The following MYO15A variants were observed in gnomAD, a reference collection of about 807,000 sequenced individuals.
MYO15A encodes the protein myosin XVA.
MYO15A carries 308 observed loss-of-function variants against 394.6 expected under a neutral mutation model. That is an observed-to-expected ratio of 0.78 (90% CI 0.71 to 0.86). The LOEUF is 0.86. Ranked by LOEUF, MYO15A falls within the 40% of genes least tolerant of loss-of-function variation. The pLI, the probability that MYO15A is intolerant of heterozygous loss-of-function variation, is 0.00. For missense variants in MYO15A, 4,606 were observed against 4,799.1 expected (o/e 0.96, Z 1.19); for synonymous variants, 1,957 against 2,003.8 (o/e 0.98, Z 0.62).
At position 18,122,296 on chromosome 17, in the gene MYO15A, C is replaced by T; in HGVS notation, c.3496C>T (p.Pro1166Ser). 7 of 1,613,084 alleles carry T rather than the reference C, an allele frequency of 4.3e-6. No individual in the cohort carries two copies. Among genetic ancestry groups the T allele is most frequent in the Non-Finnish European group, 5.9e-6 (7 of 1,180,000 alleles). The stretch of plus-strand genomic sequence containing the variant: ...CTGGCTTCGGGCAGATGCCTATGGA[C>T]CCTGGCCACGAGTACACACCCATCC... ...CLWLRADAYG[P>S]WPRVHTHPQS... The change falls in exon 2 of 66, where the codon CCC becomes TCC. Residue 1166 changes from proline to serine, a missense_variant. Physicochemically the swap from Pro to Ser is moderately conservative, Grantham distance 74. This residue lies in a region of MYO15A where 1,830 missense variants were observed against 1,689.7 expected (regional missense o/e 1.08). Transcript: ENST00000647165.
At chr17:18,160,762 C>G (rs2046762614) in intron 56 of MYO15A, 1 of 232,868 alleles carries the variant, frequency 4.3e-6, no homozygotes, top group Non-Finnish European at 8.6e-6. Context: ...GAAACCCTCA[C>G]ACCCAGGACC....
rs1299195347 is a variant in MYO15A at position 18,138,231 on chromosome 17, G to A, written c.4992G>A (p.Gln1664=). 3.1e-6 allele frequency: 5 copies of A among 1,613,004 alleles called. No homozygotes were observed. Among genetic ancestry groups the A allele is most frequent in the Non-Finnish European group, 4.2e-6 (5 of 1,180,046 alleles). The change falls in exon 17 of 66, where the codon CAG becomes CAA. Residue 1664 remains glutamine, a synonymous_variant. Transcript: ENST00000647165. ...GCATCCTGCGGATCCTTGACGACCA[G>A]TGTTGCTTTCCCCAGGTGAGCCGCA... ...PYGILRILDD[Q]CCFPQATDHT...
At chr17:18,161,640 T>C (rs1474059043) in intron 57 of MYO15A, among the ~76,000 whole-genome samples, 193 bp downstream of exon 57, 1 of 152,182 alleles carries the variant, frequency 6.6e-6, no homozygotes, top group Non-Finnish European at 1.5e-5. Flanking sequence ...TCTGATCTAA[T>C]GGAGGGGGTG....
intron 65 of MYO15A, among the ~76,000 whole-genome samples, chr17:18,176,337 C>A (rs1275330983): frequency 1.3e-5 from 2 of 151,950 alleles, no homozygotes; most frequent in Admixed American, 6.6e-5. Flanking sequence ...GGGAAGCAGG[C>A]ACATCACGTG....
Position 18,142,217 on chromosome 17 carries a change from A to C in MYO15A, c.5788A>C (p.Ile1930Leu). 5 of 1,613,456 alleles carry C rather than the reference A, an allele frequency of 3.1e-6. No homozygotes were observed. The highest frequency in any genetic ancestry group is 4.2e-6 in the Non-Finnish European group (5 of 1,179,982). Residue 1930 changes from isoleucine to leucine, a missense_variant, in exon 24 of 66, where the codon ATC (isoleucine) becomes CTC (leucine). Coordinates refer to ENST00000647165, the MANE Select transcript of MYO15A (RefSeq NM_016239.4). Reference sequence around the variant, plus strand: ...ATTCCGCTCTCTGCGCCACAAGATCATCCTGCTGCAAAGCCGGGCCCGTGG... The same window carrying C: ...ATTCCGCTCTCTGCGCCACAAGATCCTCCTGCTGCAAAGCCGGGCCCGTGG... ...RRFRSLRHKI[I>L]LLQSRARGYL...
Position 18,149,553 on chromosome 17 carries a change from T to C in MYO15A, c.7185T>C (p.Phe2395=), listed in dbSNP as rs2955379. Residue 2395 remains phenylalanine, a synonymous_variant, in exon 35 of 66, where the codon TTT becomes TTC. Coordinates refer to ENST00000647165, the MANE Select transcript of MYO15A (RefSeq NM_016239.4). The stretch of plus-strand genomic sequence containing the variant: ...TGGACTGCTACCTGGATAGCCTCTT[T>C]GACCCTGTGCTGTCCTACGGGGATG... ...KGLDCYLDSL[F]DPVLSYGDAD... 1,608,939 of 1,614,224 alleles carry C rather than the reference T, an allele frequency of 1. 802,041 individuals carry two copies. The highest frequency in any genetic ancestry group is 1 in the Non-Finnish European group (1,179,737 of 1,180,046).
chr17:18,178,784 C>T lies in MYO15A; in HGVS notation c.10507C>T (p.Arg3503Cys), dbSNP rs753532529. 17 of 1,613,982 alleles carry T rather than the reference C, an allele frequency of 1.1e-5. No homozygotes were observed. The highest frequency in any genetic ancestry group is 1.0e-5 in the Non-Finnish European group (12 of 1,179,986). Residue 3503 changes from arginine to cysteine, a missense_variant, in exon 66 of 66, where the codon CGT becomes TGT. Physicochemically the swap from Arg to Cys is radical, Grantham distance 180 (BLOSUM62 -3). Coordinates refer to ENST00000647165, the MANE Select transcript of MYO15A (RefSeq NM_016239.4). ...LQLEQGLELC[R>C]VVAVHVENLL... ...TCACCTGCAGGGACTGGAACTGTGT[C>T]GTGTGGTGGCCGTGCACGTGGAGAA...
rs374173578 is a variant in MYO15A, at chr17:18,143,994, C to T, written c.6171C>T (p.His2057=). The change falls in exon 28 of 66, where the codon CAC becomes CAT. Residue 2057 remains histidine (H), a synonymous_variant. Transcript: ENST00000647165. ...NYPMAKFVQC[H]FKEPAFGMLT... ...CTATGGCCAAGTTTGTCCAGTGCCA[C>T]TTCAAGGTAAGGGCTAGCTGAAGTC... The T allele has an allele frequency of 6.2e-6, 10 of 1,613,452 alleles. No individual in the cohort carries two copies. The African/African-American group carries it at 1.2e-4, about 19-fold the overall frequency.
At chr17:18,142,325 A>G in intron 24 of MYO15A, 71 bp downstream of exon 24, 1 of 1,535,210 alleles carries the variant, frequency 6.5e-7, no homozygotes, top group African/African-American at 1.4e-5. Context: ...GCCTGAACTT[A>G]GGTGGTGAGC....
chr17:18,143,840 C>T (rs1317578094), intron 27 of MYO15A, 30 bp from the exon 28 acceptor site: 2 of 1,569,814 alleles, frequency 1.3e-6, no homozygotes, highest in Admixed American at 3.8e-5. Flanking sequence ...CAGATCAGAG[C>T]AGGCACCGCA....
At chr17:18,159,245 C>T in intron 53 of MYO15A, 30 bp from the exon 54 acceptor site, 1 of 1,611,510 alleles carries the variant, frequency 6.2e-7, no homozygotes, top group Non-Finnish European at 8.5e-7. Context: ...TGTCCCTCCT[C>T]CATCATGACA....
intron 55 of MYO15A, 40 bp downstream of exon 55, chr17:18,159,719 T>A (rs144651236): frequency 6.2e-7 from 1 of 1,605,138 alleles, no homozygotes; most frequent in South Asian, 1.1e-5. Flanking sequence ...CCTTTCCTGC[T>A]CTGTGGTTCA....
rs2046752074 is a variant in MYO15A, at chr17:18,159,979, A to C, written c.9348A>C (p.Gln3116His). Residue 3116 changes from glutamine (Q) to histidine (H), a missense_variant, in exon 56 of 66, where the codon CAA becomes CAC. Around this residue, in one of 2 missense-constraint regions of MYO15A, gnomAD observed 2,776 missense variants for 3,109.3 expected, o/e 0.89. Coordinates refer to ENST00000647165, the MANE Select transcript of MYO15A (RefSeq NM_016239.4). Reference protein sequence around the residue: ...HEVMRDECYCQVVKQITDNTS... With the variant: ...HEVMRDECYCHVVKQITDNTS... ...TCATGCGGGATGAATGTTACTGCCAAGTTGTGAAGCAGATCACAGACAATA... is the reference window on the plus strand; with the variant it reads ...TCATGCGGGATGAATGTTACTGCCACGTTGTGAAGCAGATCACAGACAATA... 1.2e-6 allele frequency: 2 copies of C among 1,613,740 alleles called. No individual in the cohort carries two copies. Among genetic ancestry groups the C allele is most frequent in the Admixed American group, 1.7e-5 (1 of 59,994 alleles).
In MYO15A at chr17:18,136,407, C is replaced by T. The variant is rs2046272177; in HGVS notation, c.4597-10C>T. ...GCCTGATGTCACTCAAGGGCTGTGC[C>T]CGTCCCTAGGAGACAATGCGAGAGA... On this transcript the variant is annotated splice_polypyrimidine_tract_variant and intron_variant, in intron 13 of 65. Coordinates refer to ENST00000647165, the MANE Select transcript of MYO15A (RefSeq NM_016239.4). 1.9e-6 allele frequency: 3 copies of T among 1,613,500 alleles called. No homozygotes were observed. Among genetic ancestry groups the T allele is most frequent in the East Asian group, 2.2e-5 (1 of 44,900 alleles).
rs1383060324 is a variant in MYO15A at position 18,171,762 on chromosome 17, C to T, written c.10207C>T (p.Gln3403Ter). The T allele has an allele frequency of 6.2e-7, 1 of 1,609,836 alleles. No individual in the cohort carries two copies. Among genetic ancestry groups the T allele is most frequent in the South Asian group, 1.1e-5 (1 of 91,062 alleles). ...QALSPHQARA[Q>*]FLGLLSALPM... The stretch of plus-strand genomic sequence containing the variant: ...GCTCAGCCCCCACCAGGCCCGTGCC[C>T]AGTTTCTGGGTAAGAGCTGCAGGGC... The change falls in exon 63 of 66, where the codon CAG becomes TAG. Residue 3403 changes from glutamine (Q) to a stop codon, truncating the protein, a stop_gained. Transcript: ENST00000647165. LOFTEE classifies it high-confidence loss of function.
chr17:18,118,601 T>G lies in MYO15A; in HGVS notation c.-200T>G. 1 of 709,542 alleles carries G rather than the reference T, an allele frequency of 1.4e-6. No individual in the cohort carries two copies. The highest frequency in any genetic ancestry group is 1.8e-5 in the African/African-American group (1 of 55,938). The allele number at this position is 709,542 out of a possible 1,614,324, so 44.0% of individuals were successfully genotyped here. The stretch of plus-strand genomic sequence containing the variant: ...CTCTAGGGTGAAACCCAAGGCGCTC[T>G]AGAGGAGATGAATTATGGATCCGCC... On this transcript the variant is annotated 5_prime_UTR_variant, in exon 2 of 66. An upstream open reading frame in the 5' UTR loses its in-frame stop. Coordinates refer to ENST00000647165, the MANE Select transcript of MYO15A (RefSeq NM_016239.4).
chr17:18,137,600 G>A lies in MYO15A; in HGVS notation c.4796G>A (p.Ser1599Asn). Reference sequence around the variant, plus strand: ...ACCTGGCAGGACCTGAGCTTCAACAGCTTTGAGCAGCTGTGTATTAACTAC... The same window carrying A: ...ACCTGGCAGGACCTGAGCTTCAACAACTTTGAGCAGCTGTGTATTAACTAC... Reference protein sequence around the residue: ...IYGFEDLSFNSFEQLCINYAN... With the variant: ...IYGFEDLSFNNFEQLCINYAN... Residue 1599 changes from serine to asparagine, a missense_variant, in exon 16 of 66, where the codon AGC becomes AAC. By Grantham distance (46) the Ser-to-Asn change is conservative (BLOSUM62 1). Transcript: ENST00000647165. 2 of 1,613,976 alleles carry A rather than the reference G, an allele frequency of 1.2e-6. No homozygotes were observed. Among genetic ancestry groups the A allele is most frequent in the South Asian group, 2.2e-5 (2 of 91,056 alleles).
At position 18,120,876 on chromosome 17, in the gene MYO15A, G is replaced by A; in HGVS notation, c.2076G>A (p.Ser692=). The change falls in exon 2 of 66, where the codon TCG becomes TCA. Residue 692 remains serine, a synonymous_variant. Coordinates refer to ENST00000647165, the MANE Select transcript of MYO15A (RefSeq NM_016239.4). ...TCTCGGGCCTGCCCCGGCCGGCCTC[G>A]CCCTACGGCTCCCTCCGCCGCCACC... The part of the protein sequence containing the change: ...PALSGLPRPA[S]PYGSLRRHPP... 1 of 1,309,826 alleles carries A rather than the reference G, an allele frequency of 7.6e-7. No homozygotes were observed. The highest frequency in any genetic ancestry group is 9.7e-7 in the Non-Finnish European group (1 of 1,027,790). The allele number at this position is 1,309,826 out of a possible 1,614,324, so 81.1% of individuals were successfully genotyped here. A position where few individuals can be genotyped will look rare whatever the true frequency, so the allele number is the denominator to read the frequency against.
chr17:18,159,372 G>C (rs1280417243), intron 54 of MYO15A, 25 bp downstream of exon 54: 4 of 1,613,176 alleles, frequency 2.5e-6, no homozygotes, highest in Non-Finnish European at 3.4e-6. Context: ...CTGCAGCCAG[G>C]GCTCTGGGCT....
Sources: gnomAD v4.1 joint callset for allele counts (sites outside exome capture counted in the v4.1 genomes callset) on GRCh38, gnomAD v4.1.1 for gene constraint, gnomAD v4.1.1 regional missense constraint, MANE v1.5 for transcripts, NCBI Gene and HGNC (gene_info 2026-07-23, HGNC 2026-07-21) for gene names.